Variants in SYT1 observed in about 807,000 individuals in gnomAD.
SYT1 encodes synaptotagmin 1.
A neutral mutation model predicts 44.8 loss-of-function variants in SYT1; 8 were observed. The ratio of observed to expected loss-of-function variants is 0.18; its 90% CI spans 0.10 to 0.32. SYT1 has a LOEUF of 0.32. Ranked by LOEUF, SYT1 falls within the 10% of genes least tolerant of loss-of-function variation. SYT1 has a pLI of 1.00. For synonymous variants in SYT1, 154 were observed against 188.8 expected (o/e 0.82, Z 1.51); for missense variants, 286 against 509.3 (o/e 0.56, Z 4.22).
chr12:79,013,778 T>C (rs1352746449), intron 2 of SYT1, among the ~76,000 whole-genome samples: 1 of 152,182 alleles, frequency 6.6e-6, no homozygotes. Context: ...GGTAAGCTTA[T>C]GAAGGTTTTC....
At chr12:79,038,280 A>G (rs1873279544) in intron 2 of SYT1, among the ~76,000 whole-genome samples, 1 of 151,402 alleles carries the variant, frequency 6.6e-6, no homozygotes, top group Non-Finnish European at 1.5e-5. Context: ...TCTTTAATAT[A>G]ATGGTATTAA....
chr12:79,238,334 G>A (rs529457310), intron 4 of SYT1, among the ~76,000 whole-genome samples: 4 of 152,240 alleles, frequency 2.6e-5, no homozygotes, highest in Non-Finnish European at 4.4e-5. Context: ...TAAAGAAATA[G>A]CTAGACATAT....
intron 8 of SYT1, among the ~76,000 whole-genome samples, chr12:79,311,104 G>A (rs1592954224): frequency 6.6e-6 from 1 of 152,190 alleles, no homozygotes; most frequent in Non-Finnish European, 1.5e-5. Context: ...GTTTTCAAAG[G>A]GAATGCTTCC....
intron 9 of SYT1, among the ~76,000 whole-genome samples, chr12:79,384,146 T>C (rs1423844756): frequency 6.6e-6 from 1 of 152,170 alleles, no homozygotes; most frequent in East Asian, 1.9e-4. Context: ...CATGTTTCTG[T>C]ACTGAGTGCT....
chr12:78,943,931 G>A (rs1003311944), intron 1 of SYT1, among the ~76,000 whole-genome samples: 1 of 152,168 alleles, frequency 6.6e-6, no homozygotes, highest in Non-Finnish European at 1.5e-5. Context: ...TAAGTCAGAA[G>A]TTACAACTTC....
rs3064320 is a variant in SYT1 at position 79,026,667 on chromosome 12, TTATATATATATATA to T, written c.-83-20608_-83-20595del. ...TTGTGTGTGTATATACATATATATT[TTATATATATATATA>T]TATATATATATATATATATATCACA... On this transcript the variant is annotated intron_variant, in intron 2 of 10. Transcript: ENST00000261205. 3.0e-4 allele frequency among the ~76,000 whole-genome samples: 31 copies of T among 102,258 alleles called. 1 individual carries two copies. Among genetic ancestry groups the T allele is most frequent in the African/African-American group, 8.0e-4 (21 of 26,310 alleles). The allele number at this position is 102,258 out of a possible 152,430, so 67.1% of individuals were successfully genotyped here.
chr12:79,237,730 G>A (rs1876270736), intron 4 of SYT1, among the ~76,000 whole-genome samples: 1 of 152,196 alleles, frequency 6.6e-6, no homozygotes, highest in Admixed American at 6.5e-5. Flanking sequence ...TAATGGGGCA[G>A]AAGTAGCAGA....
chr12:78,872,690 A>G (rs1873884089), intron 1 of SYT1, among the ~76,000 whole-genome samples: 1 of 151,508 alleles, frequency 6.6e-6, no homozygotes. Context: ...GAATCACTAA[A>G]TGAAGGTTTA....
chr12:78,987,896 C>T (rs180793864), intron 2 of SYT1, among the ~76,000 whole-genome samples: 7 of 152,132 alleles, frequency 4.6e-5, no homozygotes, highest in Admixed American at 1.3e-4. Context: ...ATACTATAGA[C>T]CAGTATCTCT....
intron 9 of SYT1, among the ~76,000 whole-genome samples, chr12:79,443,433 T>G (rs1207531526): frequency 6.6e-6 from 1 of 152,214 alleles, no homozygotes; most frequent in Non-Finnish European, 1.5e-5. Context: ...ACTTGTAGTT[T>G]CATGTCTTTT....
chr12:78,970,785 T>C (rs1477587032), intron 1 of SYT1, among the ~76,000 whole-genome samples: 1 of 152,220 alleles, frequency 6.6e-6, no homozygotes, highest in Non-Finnish European at 1.5e-5. Context: ...ATAAACCCAA[T>C]ATGGCTTATT....
chr12:79,243,368 A>G (rs1034999434), intron 4 of SYT1, among the ~76,000 whole-genome samples: 1 of 152,174 alleles, frequency 6.6e-6, no homozygotes, highest in Non-Finnish European at 1.5e-5. Context: ...GCAAAACATC[A>G]AGTACAGGGC....
chr12:79,127,710 G>C (rs1465348866), intron 3 of SYT1, among the ~76,000 whole-genome samples: 1 of 152,270 alleles, frequency 6.6e-6, no homozygotes, highest in Non-Finnish European at 1.5e-5. Flanking sequence ...GACTGTTTCT[G>C]TTTCCAGCTG....
At chr12:79,223,190 A>G (rs1318746951) in intron 4 of SYT1, among the ~76,000 whole-genome samples, 1 of 152,182 alleles carries the variant, frequency 6.6e-6, no homozygotes, top group Non-Finnish European at 1.5e-5. Context: ...ATGATCATGT[A>G]TCAATGTCTG....
chr12:79,214,350 T>C (rs1874648915), intron 3 of SYT1, among the ~76,000 whole-genome samples: 1 of 152,190 alleles, frequency 6.6e-6, no homozygotes, highest in Non-Finnish European at 1.5e-5. Flanking sequence ...GATGAACACC[T>C]TCCAAGGGTA....
In SYT1 at chr12:78,949,477, T is replaced by TTAAA. The variant is rs35755623; in HGVS notation, c.-216-28322_-216-28321insTAAA. 5.9e-3 allele frequency among the ~76,000 whole-genome samples: 854 copies of TTAAA among 144,070 alleles called. 5 individuals carry two copies. Among genetic ancestry groups the TTAAA allele is most frequent in the African/African-American group, 0.02 (784 of 39,554 alleles). The allele number at this position is 144,070 out of a possible 152,430, so 94.5% of individuals were successfully genotyped here. A position where few individuals can be genotyped will look rare whatever the true frequency, so the allele number is the denominator to read the frequency against. On this transcript the variant is annotated intron_variant, in intron 1 of 10. Coordinates refer to ENST00000261205, the MANE Select transcript of SYT1 (RefSeq NM_005639.3). ...GTTCTCACAAGACAATATAGCTCAT[T>TTAAA]AAAAAAAAAAAAACCTTAAATAATA...
rs1201704274 is a variant in SYT1, at chr12:79,186,673, G to C, written c.-17-30830G>C. Reference sequence around the variant, plus strand: ...ATCGGAAGTAGACTCCTGGCCCCCTGGTTTCCCACATCAAAGACTAGCTGC... The same window carrying C: ...ATCGGAAGTAGACTCCTGGCCCCCTCGTTTCCCACATCAAAGACTAGCTGC... On this transcript the variant is annotated intron_variant, in intron 3 of 10. Transcript: ENST00000261205. 2.0e-5 allele frequency among the ~76,000 whole-genome samples: 3 copies of C among 151,952 alleles called. No individual in the cohort carries two copies. The East Asian group carries it at 5.8e-4, about 29-fold the overall frequency.
At chr12:79,088,449 G>A (rs1031097430) in intron 3 of SYT1, among the ~76,000 whole-genome samples, 2 of 152,088 alleles carry the variant, frequency 1.3e-5, no homozygotes, top group African/African-American at 4.8e-5. Flanking sequence ...CGTCAGCAGA[G>A]CAAAGGCTGG....
chr12:79,386,218 A>G (rs1017043699), intron 9 of SYT1, among the ~76,000 whole-genome samples: 1 of 152,182 alleles, frequency 6.6e-6, no homozygotes, highest in African/African-American at 2.4e-5. Context: ...ACAAAAACAC[A>G]TATTTATTTA....
Sources: gnomAD v4.1 joint callset for allele counts (sites outside exome capture counted in the v4.1 genomes callset) on GRCh38, gnomAD v4.1.1 for gene constraint, MANE v1.5 for transcripts, NCBI Gene and HGNC (gene_info 2026-07-23, HGNC 2026-07-21) for gene names.